Variants in DGKB observed in about 807,000 individuals in gnomAD.
The protein encoded by DGKB is diacylglycerol kinase beta.
In DGKB, 67 loss-of-function variants were observed where a neutral mutation model predicts 114.3. The ratio of observed to expected loss-of-function variants is 0.59; its 90% CI spans 0.48 to 0.72. The LOEUF is 0.72. Among genes scored for constraint, DGKB ranks in the 30% least tolerant of loss-of-function variants. The probability of loss-of-function intolerance (pLI) is 0.00; values close to 1 mark genes in which losing one functional copy is unlikely to be tolerated. For synonymous variants in DGKB, 398 were observed against 323.1 expected, an observed-to-expected ratio of 1.23 and a Z score of -2.49; for missense variants, 907 against 975.2, an observed-to-expected ratio of 0.93 and a Z score of 0.93.
At chr7:14,657,276 T>C (rs754873887) in intron 13 of DGKB, among the ~76,000 whole-genome samples, 2 of 133,022 alleles carry the variant, frequency 1.5e-5, no homozygotes, top group Non-Finnish European at 1.7e-5. Context: ...TCCTACACAT[T>C]TAAAAAATTA....
At chr7:14,800,942 A>G (rs1842069887) in intron 2 of DGKB, among the ~76,000 whole-genome samples, 1 of 152,202 alleles carries the variant, frequency 6.6e-6, no homozygotes, top group Non-Finnish European at 1.5e-5. Context: ...GTTGAAAGCA[A>G]GAGAATACAG....
chr7:14,371,085 T>C (rs1563041119), intron 21 of DGKB, among the ~76,000 whole-genome samples: 1 of 152,150 alleles, frequency 6.6e-6, no homozygotes, highest in African/African-American at 2.4e-5. Flanking sequence ...GGCACCTAGG[T>C]TGATTCCATG....
chr7:14,855,320 C>A (rs1337500668), intron 1 of DGKB, among the ~76,000 whole-genome samples: 1 of 152,086 alleles, frequency 6.6e-6, no homozygotes, highest in African/African-American at 2.4e-5. Flanking sequence ...CTTCAAGGTT[C>A]CTTCAGAGAC....
chr7:14,714,871 T>G lies in DGKB; in HGVS notation c.466+3671A>C, dbSNP rs185006135. On this transcript the variant is annotated intron_variant, in intron 6 of 25. Coordinates refer to ENST00000402815, the MANE Select transcript of DGKB (RefSeq NM_001350709.2). ...ATTTGAAAGGATGGGCAACCAAAAGTCAGCAAGCAAATTCAAGAGGGAGTA... is the reference window on the plus strand; with the variant it reads ...ATTTGAAAGGATGGGCAACCAAAAGGCAGCAAGCAAATTCAAGAGGGAGTA... 7.0e-3 allele frequency among the ~76,000 whole-genome samples: 1,068 copies of G among 152,266 alleles called. 13 individuals carry two copies. The highest frequency in any genetic ancestry group is 0.024 in the African/African-American group (985 of 41,542).
chr7:14,319,624 C>T (rs114731153), intron 23 of DGKB, among the ~76,000 whole-genome samples: 108 of 152,114 alleles, frequency 7.1e-4, no homozygotes, highest in African/African-American at 2.5e-3. Context: ...AGTTTGAGAA[C>T]CAGTGTACTC....
intron 2 of DGKB, 132 bp from the exon 3 acceptor site, chr7:14,757,863 A>T (rs1199342335): frequency 1.9e-6 from 1 of 527,752 alleles, no homozygotes; most frequent in Non-Finnish European, 3.4e-6. Context: ...CAACACATAA[A>T]ATATCTCTTG....
rs141229169 is a variant in DGKB, at chr7:14,670,654, C to T, written c.1134+2275G>A. On this transcript the variant is annotated intron_variant, in intron 13 of 25. Transcript: ENST00000402815. The stretch of plus-strand genomic sequence containing the variant: ...CATCATACTGTACATTGGATTTCTA[C>T]AATTATTCATCTTATGTAACTGCAA... 3.9e-5 allele frequency among the ~76,000 whole-genome samples: 6 copies of T among 152,198 alleles called. No homozygotes were observed. In the East Asian group the frequency reaches 1.2e-3, roughly 29 times the overall value.
At chr7:14,665,781 C>T (rs537504704) in intron 13 of DGKB, among the ~76,000 whole-genome samples, 1 of 152,112 alleles carries the variant, frequency 6.6e-6, no homozygotes, top group South Asian at 2.1e-4. Context: ...TAAAGAGCCA[C>T]TTTACCTCAT....
At chr7:14,647,310 A>G (rs2128888685) in intron 13 of DGKB, among the ~76,000 whole-genome samples, 1 of 152,298 alleles carries the variant, frequency 6.6e-6, no homozygotes, top group African/African-American at 2.4e-5. Context: ...AGACTGAATC[A>G]GAAATAAAAA....
At chr7:14,231,116 TTTCTTTC>T (rs1791733191) in intron 23 of DGKB, among the ~76,000 whole-genome samples, 1 of 129,964 alleles carries the variant, frequency 7.7e-6, no homozygotes, top group African/African-American at 2.8e-5. Context: ...TCTTTCTTTC[TTTCTTTC>T]TTTCTTTCTT....
At chr7:14,175,880 C>G (rs1282680529) in intron 25 of DGKB, 2 of 152,210 alleles carry the variant, frequency 1.3e-5, no homozygotes, top group African/African-American at 4.8e-5. Context: ...TCTCAGCTCA[C>G]TGCAACCTCC....
At chr7:14,563,416 T>C (rs2128677150) in intron 20 of DGKB, among the ~76,000 whole-genome samples, 1 of 152,324 alleles carries the variant, frequency 6.6e-6, no homozygotes, top group East Asian at 1.9e-4. Context: ...CTTGAAATCT[T>C]CAAAGTGGTA....
chr7:14,443,588 A>G (rs940436370), intron 21 of DGKB, among the ~76,000 whole-genome samples: 3 of 152,024 alleles, frequency 2.0e-5, no homozygotes, highest in South Asian at 2.1e-4. Context: ...TCTGACTTCT[A>G]TTGTCGATGT....
At chr7:14,283,631 A>T (rs1253309599) in intron 23 of DGKB, among the ~76,000 whole-genome samples, 1 of 150,686 alleles carries the variant, frequency 6.6e-6, no homozygotes, top group East Asian at 1.9e-4. Flanking sequence ...AGGCTACAGT[A>T]ACCAAAACAG....
At chr7:14,445,199 A>G (rs1186172025) in intron 21 of DGKB, among the ~76,000 whole-genome samples, 1 of 151,802 alleles carries the variant, frequency 6.6e-6, no homozygotes, top group African/African-American at 2.4e-5. Flanking sequence ...ACCATAATGT[A>G]TAGAGTAAAA....
At chr7:14,304,087 A>ACACACACACACACTCTCTCTCT (rs140836395) in intron 23 of DGKB, among the ~76,000 whole-genome samples, 3 of 110,122 alleles carry the variant, frequency 2.7e-5, no homozygotes, top group East Asian at 5.6e-4. Context: ...ACACACACAC[A>ACACACACACACACTCTCTCTCT]CTCTCTCTCT....
intron 1 of DGKB, among the ~76,000 whole-genome samples, chr7:14,958,193 C>G (rs906451434): frequency 6.6e-6 from 1 of 152,026 alleles, no homozygotes; most frequent in Non-Finnish European, 1.5e-5. Flanking sequence ...GAAACTCACA[C>G]ATCTAACAGG....
At chr7:14,228,077 T>G (rs533484286) in intron 23 of DGKB, among the ~76,000 whole-genome samples, 1 of 152,008 alleles carries the variant, frequency 6.6e-6, no homozygotes, top group Non-Finnish European at 1.5e-5. Context: ...AATTCCAGAA[T>G]CATGGAGAAT....
chr7:14,605,504 GAGTAGT>G (rs1473031398), intron 17 of DGKB, among the ~76,000 whole-genome samples: 7 of 151,424 alleles, frequency 4.6e-5, no homozygotes, highest in Non-Finnish European at 1.0e-4. Context: ...AATTTCTGAG[GAGTAGT>G]AGTGCTCAAA....
Sources: gnomAD v4.1 joint callset for allele counts (sites outside exome capture counted in the v4.1 genomes callset) on GRCh38, gnomAD v4.1.1 for gene constraint, MANE v1.5 for transcripts, NCBI Gene and HGNC (gene_info 2026-07-23, HGNC 2026-07-21) for gene names.